The following STIP1 variants were observed in gnomAD, a reference collection of about 807,000 sequenced individuals.
STIP1 encodes stress-induced-phosphoprotein 1.
A neutral mutation model predicts 77.4 loss-of-function variants in STIP1; 16 were observed. The observed-to-expected ratio is 0.21, with a 90% CI of 0.14 to 0.31. STIP1 has a LOEUF of 0.31. Among genes scored for constraint, STIP1 ranks in the 10% least tolerant of loss-of-function variants. The pLI, the probability that STIP1 is intolerant of heterozygous loss-of-function variation, is 1.00. For synonymous variants in STIP1, 258 were observed against 246.6 expected (o/e 1.05, Z -0.44); for missense variants, 524 against 684.8 (o/e 0.77, Z 2.62).
chr11:64,194,097 C>A, intron 2 of STIP1, 92 bp from the exon 3 acceptor site: 1 of 1,513,676 alleles, frequency 6.6e-7, no homozygotes, highest in African/African-American at 1.4e-5. Context: ...CTCATTTTTC[C>A]CCCATAAAAG....
chr11:64,194,766 T>G (rs550952149), intron 4 of STIP1, 146 bp downstream of exon 4: 1 of 1,040,054 alleles, frequency 9.6e-7, no homozygotes, highest in Non-Finnish European at 1.4e-6. Context: ...GGTGGTCGTT[T>G]ATTTGTAATT....
Position 64,203,439 on chromosome 11 carries a change from C to G in STIP1, c.1387-11C>G. ...CTAACACGCTTCACCTTTGTCTCTTCTGGACTGCAGGAGGCGGCAGACGGC... is the reference window on the plus strand; with the variant it reads ...CTAACACGCTTCACCTTTGTCTCTTGTGGACTGCAGGAGGCGGCAGACGGC... On this transcript the variant is annotated splice_polypyrimidine_tract_variant and intron_variant, in intron 12 of 13. Coordinates refer to ENST00000305218, the MANE Select transcript of STIP1 (RefSeq NM_006819.3). 1 of 1,613,984 alleles carries G rather than the reference C, an allele frequency of 6.2e-7. No individual in the cohort carries two copies. Among genetic ancestry groups the G allele is most frequent in the Non-Finnish European group, 8.5e-7 (1 of 1,179,888 alleles).
At chr11:64,187,482 T>C (rs535707551) in intron 1 of STIP1, among the ~76,000 whole-genome samples, 2 of 152,318 alleles carry the variant, frequency 1.3e-5, no homozygotes, top group African/African-American at 4.8e-5. Flanking sequence ...GACTAGTGAC[T>C]ACCATCCTTT....
upstream of STIP1, chr11:64,185,985 A>G (rs752065313): frequency 2.6e-6 from 4 of 1,541,356 alleles, no homozygotes; most frequent in Non-Finnish European, 3.5e-6. Flanking sequence ...GTGGGTTTAT[A>G]GAGGAGCGCC....
chr11:64,192,487 A>G (rs1946103729), intron 1 of STIP1, among the ~76,000 whole-genome samples: 1 of 152,220 alleles, frequency 6.6e-6, no homozygotes, highest in Non-Finnish European at 1.5e-5. Context: ...GTTACCCATT[A>G]ATGAACATTT....
chr11:64,185,644 C>G (rs1232499072), upstream of STIP1: 8 of 806,182 alleles, frequency 9.9e-6, no homozygotes, highest in African/African-American at 1.2e-4. Flanking sequence ...GGAAAGCAAC[C>G]CAGAGGCCCC....
Position 64,200,247 on chromosome 11 carries a change from G to A in STIP1, c.1199G>A (p.Arg400Gln), listed in dbSNP as rs750102037. 1.2e-6 allele frequency: 2 copies of A among 1,614,048 alleles called. No homozygotes were observed. Among genetic ancestry groups the A allele is most frequent in the African/African-American group, 1.3e-5 (1 of 75,020 alleles). Residue 400 changes from arginine to glutamine, a missense_variant, in exon 10 of 14, where the codon CGA (arginine) becomes CAA (glutamine). Arg to Gln is a conservative substitution (Grantham distance 43, BLOSUM62 1). Coordinates refer to ENST00000305218, the MANE Select transcript of STIP1 (RefSeq NM_006819.3). ...AAAGATGCCAAATTATACAGCAATCGAGCTGCCTGCTACACCAAACTCCTG... is the reference window on the plus strand; with the variant it reads ...AAAGATGCCAAATTATACAGCAATCAAGCTGCCTGCTACACCAAACTCCTG... ...NPKDAKLYSNRAACYTKLLEF... is the reference protein window; with the variant it reads ...NPKDAKLYSNQAACYTKLLEF...
chr11:64,200,445 GACCA>G, intron 10 of STIP1, 152 bp downstream of exon 10: 4 of 1,280,172 alleles, frequency 3.1e-6, no homozygotes, highest in Non-Finnish European at 4.3e-6. Flanking sequence ...GAGGAGCTAG[GACCA>G]CAGGCTCATG....
At chr11:64,195,948 C>G in intron 5 of STIP1, 135 bp downstream of exon 5, 1 of 1,317,436 alleles carries the variant, frequency 7.6e-7, no homozygotes, top group South Asian at 1.4e-5. Context: ...TGCTGTGTTT[C>G]CCAGGTTGGT....
intron 10 of STIP1, among the ~76,000 whole-genome samples, chr11:64,200,590 C>CGTGT (rs35484605): frequency 0.016 from 2,290 of 141,258 alleles, 40 homozygotes; most frequent in East Asian, 0.04. Flanking sequence ...TCTAACTGGT[C>CGTGT]GTGTGTGTGT....
At position 64,200,262 on chromosome 11, in the gene STIP1, C is replaced by T; in HGVS notation, c.1214C>T (p.Thr405Ile). The T allele has an allele frequency of 1.2e-6, 2 of 1,613,216 alleles. No individual in the cohort carries two copies. The highest frequency in any genetic ancestry group is 1.3e-5 in the African/African-American group (1 of 74,954). The change falls in exon 10 of 14, where the codon ACC becomes ATC. Residue 405 changes from threonine to isoleucine, a missense_variant. Coordinates refer to ENST00000305218, the MANE Select transcript of STIP1 (RefSeq NM_006819.3). ...KLYSNRAACYTKLLEFQLALK... is the reference protein window; with the variant it reads ...KLYSNRAACYIKLLEFQLALK... Reference sequence around the variant, plus strand: ...TACAGCAATCGAGCTGCCTGCTACACCAAACTCCTGGAGTTCCAGCTGGCA... The same window carrying T: ...TACAGCAATCGAGCTGCCTGCTACATCAAACTCCTGGAGTTCCAGCTGGCA...
chr11:64,187,452 TTAAA>T (rs1462713003), intron 1 of STIP1, among the ~76,000 whole-genome samples: 3 of 152,176 alleles, frequency 2.0e-5, no homozygotes, highest in Non-Finnish European at 4.4e-5. Flanking sequence ...CACTCTCCCC[TTAAA>T]TAAGACATCT....
At chr11:64,187,203 G>C (rs955136431) in intron 1 of STIP1, among the ~76,000 whole-genome samples, 2 of 152,084 alleles carry the variant, frequency 1.3e-5, no homozygotes, top group Non-Finnish European at 2.9e-5. Context: ...AGTAGCTTGC[G>C]GTTATGAAAG....
At chr11:64,202,025 A>G (rs7950596) in intron 10 of STIP1, among the ~76,000 whole-genome samples, 19,251 of 152,138 alleles carry the variant, frequency 0.13, 3,249 homozygotes, top group African/African-American at 0.38. Context: ...GCGAAAGGAA[A>G]TTGTATACAT....
intron 1 of STIP1, among the ~76,000 whole-genome samples, chr11:64,190,035 C>T (rs912341165): frequency 6.6e-6 from 1 of 150,606 alleles, no homozygotes; most frequent in South Asian, 2.1e-4. Flanking sequence ...GAGTCTCACT[C>T]TGTCCTCCAG....
At chr11:64,195,145 G>T (rs186615410) in intron 4 of STIP1, among the ~76,000 whole-genome samples, 1 of 151,640 alleles carries the variant, frequency 6.6e-6, no homozygotes. Context: ...ATGGAGTCTC[G>T]CTCTGTCCCC....
intron 8 of STIP1, 143 bp downstream of exon 8, chr11:64,198,117 GGCACAATCGTGGCTCACTGCA>G: frequency 8.1e-7 from 1 of 1,236,978 alleles, no homozygotes; most frequent in Non-Finnish European, 1.1e-6. Context: ...GAAAGACAGT[GGCACAATCGTGGCTCACTGCA>G]GCCTCAACCT....
intron 8 of STIP1, among the ~76,000 whole-genome samples, chr11:64,198,833 A>G (rs535142324): frequency 5.2e-4 from 74 of 142,796 alleles, no homozygotes; most frequent in African/African-American, 1.9e-3. Context: ...GGGCCTGTGC[A>G]TTGAGAATGT....
upstream of STIP1, chr11:64,185,622 C>G: frequency 1.5e-6 from 1 of 654,076 alleles, no homozygotes; most frequent in Non-Finnish European, 2.5e-6. Context: ...TCGCGGCACT[C>G]GGGAGCGAGA....
Sources: gnomAD v4.1 joint callset for allele counts (sites outside exome capture counted in the v4.1 genomes callset) on GRCh38, gnomAD v4.1.1 for gene constraint, MANE v1.5 for transcripts, NCBI Gene and HGNC (gene_info 2026-07-23, HGNC 2026-07-21) for gene names.